ABCC8: variants seen among roughly 807,000 people sequenced by gnomAD.
ABCC8 encodes ATP binding cassette subfamily C member 8.
A neutral mutation model predicts 188.0 loss-of-function variants in ABCC8; 137 were observed. That is an observed-to-expected ratio of 0.73 (90% CI 0.63 to 0.84). ABCC8 has a LOEUF of 0.84. ABCC8 is among the 40% of genes least tolerant of loss of function. The pLI is 0.00. For missense variants in ABCC8, 1,750 were observed against 2,072.7 expected (o/e 0.84, Z 3.02); for synonymous variants, 797 against 846.5 (o/e 0.94, Z 1.01).
chr11:17,436,723 A>G (rs1956112533), intron 10 of ABCC8, among the ~76,000 whole-genome samples: 1 of 152,242 alleles, frequency 6.6e-6, no homozygotes, highest in South Asian at 2.1e-4. Flanking sequence ...ATCAAAACTG[A>G]AAGCCCTTCT....
intron 23 of ABCC8, among the ~76,000 whole-genome samples, chr11:17,407,699 G>T (rs1954611185): frequency 6.6e-6 from 1 of 152,192 alleles, no homozygotes; most frequent in African/African-American, 2.4e-5. Context: ...CTGTGATTCA[G>T]GTGGATCTGG....
chr11:17,443,372 C>T (rs893525782), intron 8 of ABCC8, 60 bp from the exon 9 acceptor site: 12 of 1,611,826 alleles, frequency 7.4e-6, no homozygotes, highest in Non-Finnish European at 1.0e-5. Context: ...CCAGGAGGTG[C>T]TGGCAAAATC....
At chr11:17,450,063 C>G (rs1235690107) in intron 7 of ABCC8, among the ~76,000 whole-genome samples, 1 of 152,202 alleles carries the variant, frequency 6.6e-6, no homozygotes, top group Non-Finnish European at 1.5e-5. Context: ...AAATGCACAA[C>G]TGACTGACAG....
chr11:17,396,983 A>G lies in ABCC8; in HGVS notation c.4052T>C (p.Val1351Ala). The stretch of plus-strand genomic sequence containing the variant: ...CGGCTTCAGGGAGCTGTCGTAGCGC[A>G]CGCTCAGGTTCTGGATCTGGATCTT... ...QGKIQIQNLS[V>A]RYDSSLKPVL... is the part of the protein sequence containing the mutation. Residue 1351 changes from valine (V) to alanine (A), a missense_variant, in exon 33 of 39, where the codon GTG becomes GCG. Transcript: ENST00000389817. 5.6e-6 allele frequency: 9 copies of G among 1,614,204 alleles called. No homozygotes were observed. The highest frequency in any genetic ancestry group is 7.6e-6 in the Non-Finnish European group (9 of 1,180,022).
intron 10 of ABCC8, among the ~76,000 whole-genome samples, chr11:17,436,641 CCTT>C (rs1202138291): frequency 6.6e-6 from 1 of 152,204 alleles, no homozygotes; most frequent in Non-Finnish European, 1.5e-5. Context: ...GATTATAAAA[CCTT>C]CTTCTTGTGT....
intron 5 of ABCC8, chr11:17,461,191 C>T: frequency 2.8e-6 from 1 of 355,182 alleles, no homozygotes. Flanking sequence ...CATAGAGTTA[C>T]CATAAGGATC....
chr11:17,395,301 T>C (rs1308468427), intron 35 of ABCC8, 26 bp from the exon 36 acceptor site: 8 of 1,559,502 alleles, frequency 5.1e-6, no homozygotes, highest in Non-Finnish European at 7.0e-6. Context: ...AAAGCCCCAG[T>C]AGGGAGGGAG....
chr11:17,407,596 C>T, intron 23 of ABCC8, 143 bp from the exon 24 acceptor site: 2 of 1,445,230 alleles, frequency 1.4e-6, no homozygotes, highest in South Asian at 2.5e-5. Context: ...GACAGACACA[C>T]ATTCATCTTG....
chr11:17,424,156 C>A (rs936587400), intron 16 of ABCC8, among the ~76,000 whole-genome samples: 6 of 151,906 alleles, frequency 3.9e-5, no homozygotes, highest in Non-Finnish European at 7.4e-5. Flanking sequence ...ACATACCGAG[C>A]CTGTCGGGGG....
At chr11:17,396,651 C>A (rs924738276) in intron 33 of ABCC8, 9 of 509,462 alleles carry the variant, frequency 1.8e-5, no homozygotes, top group Admixed American at 1.6e-4. Context: ...TGACAAAGCC[C>A]GTGTGAGCTG....
intron 26 of ABCC8, 106 bp downstream of exon 26, chr11:17,406,515 CA>C: frequency 8.0e-7 from 1 of 1,246,056 alleles, no homozygotes; most frequent in Non-Finnish European, 1.1e-6. Flanking sequence ...GAGTCACCCC[CA>C]CAAGCTTGTG....
chr11:17,413,388 A>G lies in ABCC8; in HGVS notation c.2475+6T>C, dbSNP rs757058509. The stretch of plus-strand genomic sequence containing the variant: ...TTGAAAAAACCCCTCAGAGGCTGCT[A>G]CTAACCCGTTCCCCAATCTGGGTCT... On this transcript the variant is annotated splice_donor_region_variant and intron_variant, in intron 20 of 38. Transcript: ENST00000389817. 4 of 1,614,172 alleles carry G rather than the reference A, an allele frequency of 2.5e-6. No individual in the cohort carries two copies. The South Asian group carries it at 4.4e-5, about 18-fold the overall frequency.
Position 17,476,839 on chromosome 11 carries a change from C to T in ABCC8, c.-63G>A. Reference sequence around the variant, plus strand: ...CTCCGCTGGCTCCGCGCGCCTGCCGCGCCTCTGTCCCTTGCAGCTCCGCCG... The same window carrying T: ...CTCCGCTGGCTCCGCGCGCCTGCCGTGCCTCTGTCCCTTGCAGCTCCGCCG... On this transcript the variant is annotated 5_prime_UTR_variant, in exon 1 of 39. Coordinates refer to ENST00000389817, the MANE Select transcript of ABCC8 (RefSeq NM_000352.6). 7.4e-7 allele frequency: 1 copy of T among 1,358,884 alleles called. No individual in the cohort carries two copies. The highest frequency in any genetic ancestry group is 9.5e-7 in the Non-Finnish European group (1 of 1,057,082). 84.2% of individuals were successfully genotyped at this position (1,358,884 alleles called of 1,614,324 possible). A position where few individuals can be genotyped will look rare whatever the true frequency, so the allele number is the denominator to read the frequency against.
chr11:17,424,517 T>C (rs1442499170), intron 16 of ABCC8, among the ~76,000 whole-genome samples: 2 of 152,002 alleles, frequency 1.3e-5, no homozygotes, highest in Non-Finnish European at 2.9e-5. Flanking sequence ...GCCTGCTTCA[T>C]CTACATAGGA....
rs200093094 is a variant in ABCC8 at position 17,435,730 on chromosome 11, G to C, written c.1631-3486C>G. On this transcript the variant is annotated intron_variant, in intron 10 of 38. Coordinates refer to ENST00000389817, the MANE Select transcript of ABCC8 (RefSeq NM_000352.6). Reference sequence around the variant, plus strand: ...AGTAAGAACCGGGACAACCACTCCAGATTGGTATAGCTGGGGAATCTTCAG... The same window carrying C: ...AGTAAGAACCGGGACAACCACTCCACATTGGTATAGCTGGGGAATCTTCAG... 5 of 1,364,286 alleles carry C rather than the reference G, an allele frequency of 3.7e-6. No homozygotes were observed. In the East Asian group the frequency reaches 1.1e-4, roughly 31 times the overall value. The allele number at this position is 1,364,286 out of a possible 1,614,324, so 84.5% of individuals were successfully genotyped here.
chr11:17,397,138 A>T, intron 32 of ABCC8, 55 bp downstream of exon 32: 1 of 1,613,024 alleles, frequency 6.2e-7, no homozygotes, highest in Non-Finnish European at 8.5e-7. Context: ...GTGGCCCCCA[A>T]CCCAGACACA....
At position 17,442,736 on chromosome 11, in the gene ABCC8, G is replaced by C; in HGVS notation, c.1614C>G (p.Ile538Met). ...TGAACTCACTGGAGATGGAGGTATAGATGGCAAAGGCCCTGAGGCTGGTCA... is the reference window on the plus strand; with the variant it reads ...TGAACTCACTGGAGATGGAGGTATACATGGCAAAGGCCCTGAGGCTGGTCA... ...KEMTSLRAFA[I>M]YTSISIFMNT... Residue 538 changes from isoleucine (I) to methionine (M), a missense_variant, in exon 10 of 39, where the codon ATC (isoleucine) becomes ATG (methionine). By Grantham distance (10) the Ile-to-Met change is conservative. Transcript: ENST00000389817. 1 of 1,613,776 alleles carries C rather than the reference G, an allele frequency of 6.2e-7. No individual in the cohort carries two copies. The highest frequency in any genetic ancestry group is 1.1e-5 in the South Asian group (1 of 91,050).
At chr11:17,430,562 T>A in intron 12 of ABCC8, 6 of 519,552 alleles carry the variant, frequency 1.2e-5, no homozygotes, top group Admixed American at 3.2e-5. Context: ...TTTTTTTTTT[T>A]AAGTTGTCGT....
chr11:17,396,355 G>A, intron 33 of ABCC8: 1 of 341,632 alleles, frequency 2.9e-6, no homozygotes, highest in Non-Finnish European at 5.6e-6. Context: ...TGGCACTTGG[G>A]TACCAACAGA....
Sources: gnomAD v4.1 joint callset for allele counts (sites outside exome capture counted in the v4.1 genomes callset) on GRCh38, gnomAD v4.1.1 for gene constraint, MANE v1.5 for transcripts, NCBI Gene and HGNC (gene_info 2026-07-23, HGNC 2026-07-21) for gene names.